PDE10A: variants seen among roughly 807,000 people sequenced by gnomAD.
PDE10A encodes the protein phosphodiesterase 10A.
Under a neutral mutation model 97.7 loss-of-function variants are expected in PDE10A, and 39 were observed. The observed-to-expected ratio is 0.40, with a 90% CI of 0.31 to 0.52. The LOEUF is 0.52. Among genes scored for constraint, PDE10A ranks in the 20% least tolerant of loss-of-function variants. The pLI, the probability that PDE10A is intolerant of heterozygous loss-of-function variation, is 0.56. For synonymous variants in PDE10A, 371 were observed against 376.8 expected (o/e 0.98, Z 0.18); for missense variants, 731 against 1,047.8 (o/e 0.70, Z 4.17).
intron 1 of PDE10A, among the ~76,000 whole-genome samples, chr6:165,579,112 G>T (rs911457563): frequency 6.6e-6 from 1 of 152,140 alleles, no homozygotes; most frequent in African/African-American, 2.4e-5. Flanking sequence ...ATGATGAAAG[G>T]CATGTGGAAG....
chr6:165,383,879 A>G (rs1785084713), intron 17 of PDE10A, among the ~76,000 whole-genome samples: 1 of 152,168 alleles, frequency 6.6e-6, no homozygotes, highest in African/African-American at 2.4e-5. Flanking sequence ...AGAATTTTAC[A>G]GGATGAGGTC....
intron 1 of PDE10A, among the ~76,000 whole-genome samples, chr6:165,560,849 G>A (rs1784486364): frequency 6.6e-6 from 1 of 152,094 alleles, no homozygotes; most frequent in Non-Finnish European, 1.5e-5. Flanking sequence ...GGATTATGGG[G>A]TGGTGTCTAA....
At chr6:165,949,179 G>T (rs1783873853) in intron 1 of PDE10A, 1 of 152,234 alleles carries the variant, frequency 6.6e-6, no homozygotes, top group South Asian at 2.1e-4. Context: ...ATGGCAAGAT[G>T]AAATCAGTTA....
At chr6:165,776,202 TA>T (rs1338957362) in intron 1 of PDE10A, among the ~76,000 whole-genome samples, 4 of 152,230 alleles carry the variant, frequency 2.6e-5, no homozygotes, top group African/African-American at 9.6e-5. Context: ...GTTAATTATA[TA>T]AATCAAGCAG....
chr6:165,721,988 CA>C (rs756701993), intron 1 of PDE10A, among the ~76,000 whole-genome samples: 11 of 152,150 alleles, frequency 7.2e-5, no homozygotes, highest in Non-Finnish European at 1.5e-4. Context: ...ACACTATTTT[CA>C]AAAGCTAAGG....
chr6:165,480,356 G>A (rs916669196), intron 3 of PDE10A, among the ~76,000 whole-genome samples: 1 of 152,108 alleles, frequency 6.6e-6, no homozygotes, highest in African/African-American at 2.4e-5. Context: ...GGGAGGCTGA[G>A]GTAGGAAGAT....
At chr6:165,668,283 A>G (rs912639514) in intron 1 of PDE10A, among the ~76,000 whole-genome samples, 2 of 152,210 alleles carry the variant, frequency 1.3e-5, no homozygotes, top group African/African-American at 4.8e-5. Flanking sequence ...AAAAGATGGT[A>G]TACCCTGATT....
At chr6:165,499,259 G>C (rs1780729560) in intron 2 of PDE10A, among the ~76,000 whole-genome samples, 1 of 152,190 alleles carries the variant, frequency 6.6e-6, no homozygotes. Flanking sequence ...CTCCATGGCA[G>C]TGAAGCAGGA....
intron 1 of PDE10A, among the ~76,000 whole-genome samples, chr6:165,847,560 G>A (rs1324820460): frequency 2.0e-5 from 3 of 152,270 alleles, no homozygotes; most frequent in African/African-American, 7.2e-5. Context: ...TGGTGAGTCG[G>A]CCACGGGGCC....
chr6:165,343,333 G>C (rs914778440), intron 19 of PDE10A, 58 bp downstream of exon 19: 1 of 1,141,104 alleles, frequency 8.8e-7, no homozygotes, highest in Non-Finnish European at 1.3e-6. Context: ...CTTAGCAATT[G>C]ATCCATACGT....
At chr6:165,818,224 CA>C (rs137871286) in intron 1 of PDE10A, among the ~76,000 whole-genome samples, 12,108 of 152,208 alleles carry the variant, frequency 0.08, 592 homozygotes, top group African/African-American at 0.14. Context: ...CCTCCTTATT[CA>C]CCCGCCTTTC....
chr6:165,973,337 C>T lies in PDE10A; in HGVS notation c.-615+14192G>A, dbSNP rs372320328. The stretch of plus-strand genomic sequence containing the variant: ...GGGAGGCAGGAGAACCACTTGAACC[C>T]GGGAGGCGGAGGTGGCAGTGAGCCA... On this transcript the variant is annotated intron_variant, in intron 1 of 19. Coordinates refer to the PDE10A transcript ENST00000366882. Among the ~76,000 whole-genome samples, 19 of 151,710 alleles carry T rather than the reference C, an allele frequency of 1.3e-4. No homozygotes were observed. In the East Asian group the frequency reaches 2.7e-3, roughly 22 times the overall value.
intron 1 of PDE10A, among the ~76,000 whole-genome samples, chr6:165,581,438 A>T (rs1785612167): frequency 6.6e-6 from 1 of 152,146 alleles, no homozygotes; most frequent in South Asian, 2.1e-4. Context: ...GAAAGAGATG[A>T]CTTATCTCTC....
At chr6:165,363,590 A>G (rs1256237692) in intron 18 of PDE10A, among the ~76,000 whole-genome samples, 4 of 152,166 alleles carry the variant, frequency 2.6e-5, no homozygotes, top group Admixed American at 1.3e-4. Flanking sequence ...TTGTACAACT[A>G]TCTCTATTTG....
In PDE10A at chr6:165,661,806, A is replaced by G; in HGVS notation, c.865+141T>C. The G allele has an allele frequency of 2.0e-6, 1 of 504,592 alleles. No individual in the cohort carries two copies. The highest frequency in any genetic ancestry group is 3.6e-6 in the Non-Finnish European group (1 of 277,260). 31.3% of individuals were successfully genotyped at this position (504,592 alleles called of 1,614,324 possible). On this transcript the variant is annotated intron_variant, in intron 1 of 21. Transcript: ENST00000539869. The surrounding 1 kb of genome is among the most constrained non-coding windows in gnomAD (Gnocchi z 4.8). ...GGGGCACCGGCTCCTGCCCCTCCAGAGAAGCCCCCTGGGCGCTCCACGCCC... is the reference window on the plus strand; with the variant it reads ...GGGGCACCGGCTCCTGCCCCTCCAGGGAAGCCCCCTGGGCGCTCCACGCCC...
intron 1 of PDE10A, among the ~76,000 whole-genome samples, chr6:165,686,556 T>A (rs9365905): frequency 0.059 from 8,907 of 152,248 alleles, 657 homozygotes; most frequent in African/African-American, 0.16. Flanking sequence ...GCAGGGGCAA[T>A]GTTTAAAATC....
chr6:165,381,711 G>A (rs772094088), intron 17 of PDE10A, among the ~76,000 whole-genome samples: 3 of 142,916 alleles, frequency 2.1e-5, no homozygotes, highest in East Asian at 2.1e-4. Flanking sequence ...TTCATCTCCC[G>A]ACCTCGTGAT....
At chr6:165,747,920 C>T (rs1025830153) in intron 1 of PDE10A, among the ~76,000 whole-genome samples, 31 of 152,170 alleles carry the variant, frequency 2.0e-4, no homozygotes, top group South Asian at 2.1e-4. Context: ...CAGCATTTTC[C>T]GTGGCAGAAA....
chr6:165,509,520 C>A (rs1781392493), intron 2 of PDE10A, among the ~76,000 whole-genome samples: 1 of 151,612 alleles, frequency 6.6e-6, no homozygotes. Flanking sequence ...GAGTGTGATG[C>A]CTCCGGTGTT....
Sources: gnomAD v4.1 joint callset for allele counts (sites outside exome capture counted in the v4.1 genomes callset) on GRCh38, gnomAD v4.1.1 for gene constraint, Gnocchi (gnomAD v3.1) non-coding constraint, MANE v1.5 for transcripts, NCBI Gene and HGNC (gene_info 2026-07-23, HGNC 2026-07-21) for gene names.